The following NDUFA10 variants were observed in gnomAD, a reference collection of about 807,000 sequenced individuals.
The protein encoded by NDUFA10 is NADH:ubiquinone oxidoreductase subunit A10.
In NDUFA10, 40 loss-of-function variants were observed where a neutral mutation model predicts 47.8. The ratio of observed to expected loss-of-function variants is 0.84; its 90% CI spans 0.65 to 1.09. The LOEUF is 1.09. NDUFA10 is among the 50% of genes least tolerant of loss of function. The pLI is 0.00. For synonymous variants in NDUFA10, 183 were observed against 172.2 expected (o/e 1.06, Z -0.49); for missense variants, 413 against 451.1 (o/e 0.92, Z 0.76).
At position 240,022,320 on chromosome 2, in the gene NDUFA10, C is replaced by A. The variant is rs759775063; in HGVS notation, c.96G>T (p.Val32=). The A allele has an allele frequency of 6.2e-7, 1 of 1,614,116 alleles. No individual in the cohort carries two copies. The highest frequency in any genetic ancestry group is 8.5e-7 in the Non-Finnish European group (1 of 1,180,020). Residue 32 remains valine (V), a synonymous_variant, in exon 2 of 10, where the codon GTG becomes GTT. Coordinates refer to ENST00000252711, the MANE Select transcript of NDUFA10 (RefSeq NM_004544.4). ...AQRVRGIHSS[V]QCKLRYGMWH... is the part of the protein sequence containing the mutation. ...ACATTCCATAGCGCAGTTTGCACTG[C>A]ACACTGCTATGAATTCCTCTCTGAA...
intron 4 of NDUFA10, among the ~76,000 whole-genome samples, chr2:239,938,666 T>TG (rs1364550501): frequency 1.3e-5 from 2 of 152,106 alleles, no homozygotes; most frequent in Non-Finnish European, 2.9e-5. Flanking sequence ...TGAGCTGCCC[T>TG]GGGGGGCTGC....
chr2:239,931,053 C>T (rs765502663), intron 4 of NDUFA10, among the ~76,000 whole-genome samples: 59 of 152,148 alleles, frequency 3.9e-4, no homozygotes, highest in Non-Finnish European at 7.4e-4. Context: ...GTGGGAGCCT[C>T]GGAGGGTTTT....
chr2:239,899,008 GATGGAGGGGAGTC>G lies in NDUFA10; in HGVS notation c.295-3707_295-3695del, dbSNP rs1205914501. 5.8e-5 allele frequency among the ~76,000 whole-genome samples: 6 copies of G among 104,150 alleles called. 1 individual carries two copies. Among genetic ancestry groups the G allele is most frequent in the Admixed American group, 3.0e-4 (3 of 9,906 alleles). 68.3% of individuals were successfully genotyped at this position (104,150 alleles called of 152,430 possible). A position where few individuals can be genotyped will look rare whatever the true frequency, so the allele number is the denominator to read the frequency against. On this transcript the variant is annotated intron_variant, in intron 4 of 5. Coordinates refer to the NDUFA10 transcript ENST00000419408. ...ATGGAGAGGTGTGATGGAGAGGTGT[GATGGAGGGGAGTC>G]ATGGAGGGGTGTAAAGGAGGGGTGT...
intron 7 of NDUFA10, 39 bp downstream of exon 7, chr2:240,007,277 A>C: frequency 6.9e-7 from 1 of 1,449,884 alleles, no homozygotes; most frequent in Non-Finnish European, 9.7e-7. Context: ...CATGAATCAA[A>C]TGTAGGAATA....
chr2:240,001,369 T>C (rs1268947750), intron 8 of NDUFA10, among the ~76,000 whole-genome samples: 1 of 152,208 alleles, frequency 6.6e-6, no homozygotes. Flanking sequence ...ATAAACAGTA[T>C]CATAACATAG....
chr2:239,944,013 C>T (rs1217228163), intron 4 of NDUFA10, among the ~76,000 whole-genome samples: 3 of 152,196 alleles, frequency 2.0e-5, no homozygotes, highest in Non-Finnish European at 4.4e-5. Flanking sequence ...CCTTCCTTCC[C>T]ATAAATCCTG....
chr2:239,952,182 C>T (rs1408819484), intron 4 of NDUFA10, among the ~76,000 whole-genome samples: 1 of 151,650 alleles, frequency 6.6e-6, no homozygotes, highest in Non-Finnish European at 1.5e-5. Flanking sequence ...GTGGGGCAGA[C>T]CTGCAAGCCC....
chr2:239,898,953 G>GAGA (rs1693458115), intron 4 of NDUFA10, among the ~76,000 whole-genome samples: 1 of 142,480 alleles, frequency 7.0e-6, no homozygotes, highest in Middle Eastern at 3.7e-3. Flanking sequence ...GGGTGTGGAG[G>GAGA]GGTGTGGCAG....
intron 3 of NDUFA10, 106 bp downstream of exon 3, chr2:240,021,091 T>C: frequency 1.1e-6 from 1 of 924,594 alleles, no homozygotes. Flanking sequence ...ACTCACCTCA[T>C]CAAACACCCT....
intron 4 of NDUFA10, among the ~76,000 whole-genome samples, chr2:239,937,446 C>G (rs1350191952): frequency 6.6e-6 from 1 of 152,164 alleles, no homozygotes; most frequent in Non-Finnish European, 1.5e-5. Flanking sequence ...CTGGACATGT[C>G]AAGTAACTGG....
intron 4 of NDUFA10, among the ~76,000 whole-genome samples, chr2:239,909,152 A>G (rs1693704128): frequency 2.0e-5 from 3 of 152,184 alleles, no homozygotes; most frequent in African/African-American, 4.8e-5. Flanking sequence ...AGAAAGTCCA[A>G]AGCAAAACAG....
intron 9 of NDUFA10, among the ~76,000 whole-genome samples, chr2:239,975,195 T>C (rs1334477186): frequency 6.6e-6 from 1 of 152,254 alleles, no homozygotes; most frequent in Admixed American, 6.5e-5. Context: ...CTCTTGCTCC[T>C]GCCTTATTAG....
chr2:239,972,465 C>T (rs1459415239), intron 9 of NDUFA10, among the ~76,000 whole-genome samples: 2 of 151,934 alleles, frequency 1.3e-5, no homozygotes, highest in African/African-American at 4.8e-5. Flanking sequence ...TCCATTATAA[C>T]ATATAAATGC....
At chr2:239,922,564 G>T (rs377441811) in intron 4 of NDUFA10, among the ~76,000 whole-genome samples, 2 of 152,168 alleles carry the variant, frequency 1.3e-5, no homozygotes, top group Admixed American at 6.5e-5. Context: ...GGATAGAGGC[G>T]GTGTCACCTG....
In NDUFA10 at chr2:239,899,797, T is replaced by G. The variant is rs141030756; in HGVS notation, c.295-4483A>C. ...GATGTAAAAACAGAATTCCACGACCTGCAGCATCCAGCACACAAAACCCAT... is the reference window on the plus strand; with the variant it reads ...GATGTAAAAACAGAATTCCACGACCGGCAGCATCCAGCACACAAAACCCAT... On this transcript the variant is annotated intron_variant, in intron 4 of 5. Transcript: ENST00000419408. Among the ~76,000 whole-genome samples, 313 of 151,914 alleles carry G rather than the reference T, an allele frequency of 2.1e-3. 1 individual carries two copies. Among genetic ancestry groups the G allele is most frequent in the African/African-American group, 6.8e-3 (282 of 41,400 alleles).
chr2:240,001,815 T>C (rs1559377660), intron 8 of NDUFA10, among the ~76,000 whole-genome samples: 1 of 152,180 alleles, frequency 6.6e-6, no homozygotes, highest in Non-Finnish European at 1.5e-5. Flanking sequence ...CTGACTTCAA[T>C]GACTCAGAGA....
In NDUFA10 at chr2:240,011,750, G is replaced by T; in HGVS notation, c.670-54C>A. The T allele has an allele frequency of 2.1e-6, 3 of 1,438,826 alleles. No homozygotes were observed. In the South Asian group the frequency reaches 3.4e-5, roughly 16 times the overall value. The allele number at this position is 1,438,826 out of a possible 1,614,324, so 89.1% of individuals were successfully genotyped here. ...GAAACATTTAGAGTTCATTCTCTTT[G>T]ACCTGTGCGTATATAAAATGCGAAG... is the stretch of plus-strand genomic sequence containing the variant. On this transcript the variant is annotated intron_variant, in intron 5 of 9. Coordinates refer to ENST00000252711, the MANE Select transcript of NDUFA10 (RefSeq NM_004544.4).
intron 9 of NDUFA10, among the ~76,000 whole-genome samples, chr2:239,968,738 T>C (rs1380354485): frequency 1.3e-5 from 2 of 152,158 alleles, no homozygotes; most frequent in Non-Finnish European, 2.9e-5. Context: ...TAAAACTCCA[T>C]GAAGCTGGAC....
intron 9 of NDUFA10, chr2:239,976,462 C>T (rs1695526174): frequency 1.3e-5 from 2 of 152,342 alleles, no homozygotes; most frequent in African/African-American, 4.8e-5. Flanking sequence ...TCATACCCAT[C>T]CTGTGAGGTG....
Sources: gnomAD v4.1 joint callset for allele counts (sites outside exome capture counted in the v4.1 genomes callset) on GRCh38, gnomAD v4.1.1 for gene constraint, MANE v1.5 for transcripts, NCBI Gene and HGNC (gene_info 2026-07-23, HGNC 2026-07-21) for gene names.